The following BCAS3 variants were observed in gnomAD, a reference collection of about 807,000 sequenced individuals.
BCAS3 encodes the protein BCAS4/BCAS3 fusion.
Under a neutral mutation model 116.1 loss-of-function variants are expected in BCAS3, and 53 were observed. The observed-to-expected ratio is 0.46, with a 90% CI of 0.37 to 0.57. The LOEUF (loss-of-function observed/expected upper bound fraction) is 0.57. Ranked by LOEUF, BCAS3 falls within the 20% of genes least tolerant of loss-of-function variation. The probability of loss-of-function intolerance (pLI) is 0.00; values close to 1 mark genes in which losing one functional copy is unlikely to be tolerated. For missense variants in BCAS3, 917 were observed against 1,165.4 expected (o/e 0.79, Z 3.10); for synonymous variants, 391 against 408.2 (o/e 0.96, Z 0.51).
At position 61,205,708 on chromosome 17, in the gene BCAS3, A is replaced by C. The variant is rs1288591757; in HGVS notation, c.2425+121144A>C. The stretch of plus-strand genomic sequence containing the variant: ...GATATGCTTCTTTTATGTTCCTTAG[A>C]CTCTTGCCCAGCATGCTTTTCCCAC... On this transcript the variant is annotated intron_variant, in intron 22 of 23. Transcript: ENST00000407086. The surrounding 1 kb of genome is among the most constrained non-coding windows in gnomAD (Gnocchi z 5.2). 3.9e-5 allele frequency among the ~76,000 whole-genome samples: 6 copies of C among 152,012 alleles called. No individual in the cohort carries two copies.
chr17:61,176,380 G>C (rs1217634322), intron 22 of BCAS3, among the ~76,000 whole-genome samples: 2 of 148,952 alleles, frequency 1.3e-5, no homozygotes, highest in African/African-American at 4.9e-5. Flanking sequence ...CTATATTTTT[G>C]TTTTCATTTT....
chr17:61,005,949 C>A (rs1156346635), intron 15 of BCAS3, among the ~76,000 whole-genome samples: 2 of 151,938 alleles, frequency 1.3e-5, no homozygotes, highest in Non-Finnish European at 2.9e-5. Flanking sequence ...CCTCCCCCTT[C>A]CCCCCACTCC....
Position 61,380,514 on chromosome 17 carries a change from C to A in BCAS3, c.2594-11463C>A. ...TTTTATTTTCAATACAGACACAGCC[C>A]TTGACGTAGCAGTAAAAACCTTCCC... On this transcript the variant is annotated intron_variant, in intron 23 of 23. Coordinates refer to ENST00000407086, the MANE Select transcript of BCAS3 (RefSeq NM_017679.5). This position sits in a 1 kb window ranked among gnomAD's most constrained non-coding sequence, Gnocchi z 4.2. 1 of 1,597,932 alleles carries A rather than the reference C, an allele frequency of 6.3e-7. No individual in the cohort carries two copies. Among genetic ancestry groups the A allele is most frequent in the Non-Finnish European group, 8.5e-7 (1 of 1,179,378 alleles).
In BCAS3 at chr17:61,051,102, T is replaced by C. The variant is rs1252268949; in HGVS notation, c.2029+10210T>C. Reference sequence around the variant, plus strand: ...GAGATTGAAATCAGATATACCCATATCTTTGACAACTACTCAGATTTTTTT... The same window carrying C: ...GAGATTGAAATCAGATATACCCATACCTTTGACAACTACTCAGATTTTTTT... On this transcript the variant is annotated intron_variant, in intron 19 of 23. Transcript: ENST00000407086. The surrounding 1 kb of genome is among the most constrained non-coding windows in gnomAD (Gnocchi z 4.1). Among the ~76,000 whole-genome samples, 2 of 152,052 alleles carry C rather than the reference T, an allele frequency of 1.3e-5. No individual in the cohort carries two copies. The highest frequency in any genetic ancestry group is 4.8e-5 in the African/African-American group (2 of 41,444).
rs2075606491 is a variant in BCAS3, at chr17:61,118,454, CA to C, written c.2425+33894del. Among the ~76,000 whole-genome samples, 1 of 152,160 alleles carries C rather than the reference CA, an allele frequency of 6.6e-6. No individual in the cohort carries two copies. Among genetic ancestry groups the C allele is most frequent in the South Asian group, 2.1e-4 (1 of 4,822 alleles). On this transcript the variant is annotated intron_variant, in intron 22 of 23. Transcript: ENST00000407086. This position sits in a 1 kb window ranked among gnomAD's most constrained non-coding sequence, Gnocchi z 5.0. ...TCCAGACTCCCCATTTGTCCTGCAC[CA>C]AAACTGCACGTGTGTGTTAGGAGGT...
chr17:61,122,831 T>C lies in BCAS3; in HGVS notation c.2425+38267T>C, dbSNP rs1340675453. ...ATACAGCAATGTAAGCTGATGGCTA[T>C]TGGAATTCACATACAGTTTGCATTT... On this transcript the variant is annotated intron_variant, in intron 22 of 23. Transcript: ENST00000407086. The surrounding 1 kb of genome is among the most constrained non-coding windows in gnomAD (Gnocchi z 4.6). Among the ~76,000 whole-genome samples the C allele has an allele frequency of 1.3e-5, 2 of 152,236 alleles. No homozygotes were observed.
rs1055187158 is a variant in BCAS3 at position 61,215,989 on chromosome 17, C to T, written c.2425+131425C>T. On this transcript the variant is annotated intron_variant, in intron 22 of 23. Transcript: ENST00000407086. This position sits in a 1 kb window ranked among gnomAD's most constrained non-coding sequence, Gnocchi z 4.8. ...CAAATATATATTTTGGTTGGTTCTC[C>T]CAGTAGTAGATCGCTGATATTTCAG... 6.6e-6 allele frequency among the ~76,000 whole-genome samples: 1 copy of T among 152,032 alleles called. No homozygotes were observed. Among genetic ancestry groups the T allele is most frequent in the African/African-American group, 2.4e-5 (1 of 41,374 alleles).
chr17:60,716,527 T>C (rs1286354854), intron 5 of BCAS3, among the ~76,000 whole-genome samples: 2 of 152,042 alleles, frequency 1.3e-5, no homozygotes, highest in African/African-American at 2.4e-5. Context: ...CCCAACACTT[T>C]GGGAGGCTGA....
chr17:61,044,363 C>T (rs1179064484), intron 19 of BCAS3, among the ~76,000 whole-genome samples: 3 of 148,766 alleles, frequency 2.0e-5, no homozygotes, highest in East Asian at 2.0e-4. Flanking sequence ...AGGAGAATGG[C>T]GTGAGCCTGG....
At chr17:60,854,848 C>T (rs112377773) in intron 7 of BCAS3, among the ~76,000 whole-genome samples, 4,300 of 152,150 alleles carry the variant, frequency 0.028, 89 homozygotes, top group Non-Finnish European at 0.045. Context: ...TTGCCAAAAC[C>T]TGGCAGCAAG....
At chr17:60,706,302 G>C (rs1490125866) in intron 4 of BCAS3, among the ~76,000 whole-genome samples, 3 of 152,028 alleles carry the variant, frequency 2.0e-5, no homozygotes, top group Non-Finnish European at 4.4e-5. Flanking sequence ...GAACTCAGGT[G>C]ATCTACCCTC....
At chr17:61,293,133 A>G (rs1368190077) in intron 22 of BCAS3, among the ~76,000 whole-genome samples, 1 of 152,222 alleles carries the variant, frequency 6.6e-6, no homozygotes, top group Admixed American at 6.5e-5. Context: ...TCTGTAAGCA[A>G]GCTCAGAGAC....
rs558030410 is a variant in BCAS3 at position 60,990,098 on chromosome 17, G to A, written c.1349G>A (p.Arg450Gln). ...TGTGTTCGTACACATATGTCACCAC[G>A]AGTAGTGAATCGCATGAGCCGTTTC... The part of the protein sequence containing the change: ...QPCVRTHMSP[R>Q]VVNRMSRFQK... Residue 450 changes from arginine (R) to glutamine (Q), a missense_variant, in exon 15 of 24, where the codon CGA becomes CAA. Arg to Gln is a conservative substitution (Grantham distance 43, BLOSUM62 1). Coordinates refer to ENST00000407086, the MANE Select transcript of BCAS3 (RefSeq NM_017679.5). This position sits in a 1 kb window ranked among gnomAD's most constrained non-coding sequence, Gnocchi z 5.1. The A allele has an allele frequency of 6.5e-5, 105 of 1,614,040 alleles. No homozygotes were observed. The highest frequency in any genetic ancestry group is 7.7e-5 in the Non-Finnish European group (91 of 1,180,048).
chr17:61,126,149 T>C lies in BCAS3; in HGVS notation c.2425+41585T>C, dbSNP rs2076035893. Among the ~76,000 whole-genome samples, 1 of 152,212 alleles carries C rather than the reference T, an allele frequency of 6.6e-6. No homozygotes were observed. The highest frequency in any genetic ancestry group is 2.4e-5 in the African/African-American group (1 of 41,464). On this transcript the variant is annotated intron_variant, in intron 22 of 23. Coordinates refer to ENST00000407086, the MANE Select transcript of BCAS3 (RefSeq NM_017679.5). The surrounding 1 kb of genome is among the most constrained non-coding windows in gnomAD (Gnocchi z 4.6). ...TTAAAACTAATGTTTCTATAACCTCTGACCGAATACAGAAGATCCAAAATA... is the reference window on the plus strand; with the variant it reads ...TTAAAACTAATGTTTCTATAACCTCCGACCGAATACAGAAGATCCAAAATA...
rs1313435594 is a variant in BCAS3 at position 61,037,877 on chromosome 17, C to A, written c.1763-12C>A. Reference sequence around the variant, plus strand: ...CATCATAACACATCGGGTTCTGTTTCTCTGTTTGTAGATCAGTCCAAACAA... The same window carrying A: ...CATCATAACACATCGGGTTCTGTTTATCTGTTTGTAGATCAGTCCAAACAA... On this transcript the variant is annotated splice_polypyrimidine_tract_variant and intron_variant, in intron 17 of 23. Transcript: ENST00000407086. The surrounding 1 kb of genome is among the most constrained non-coding windows in gnomAD (Gnocchi z 4.7). 1 of 1,610,956 alleles carries A rather than the reference C, an allele frequency of 6.2e-7. No homozygotes were observed. The highest frequency in any genetic ancestry group is 1.7e-5 in the Admixed American group (1 of 59,658).
chr17:61,048,792 T>A (rs1317314134), intron 19 of BCAS3, among the ~76,000 whole-genome samples: 1 of 151,968 alleles, frequency 6.6e-6, no homozygotes, highest in Non-Finnish European at 1.5e-5. Context: ...AACAGAATAC[T>A]GGTGCCTCTG....
chr17:60,891,602 T>A, intron 10 of BCAS3: 2 of 443,080 alleles, frequency 4.5e-6, no homozygotes, highest in Non-Finnish European at 9.1e-6. Flanking sequence ...GGGGTACCAG[T>A]CTCTTTCAGT....
intron 19 of BCAS3, among the ~76,000 whole-genome samples, chr17:61,052,734 T>C (rs76955808): frequency 1.4e-5 from 2 of 146,914 alleles, no homozygotes; most frequent in African/African-American, 5.3e-5. Flanking sequence ...TTTTTTTTTT[T>C]TGAGACGGGG....
chr17:61,090,229 G>A (rs1448746314), intron 22 of BCAS3, among the ~76,000 whole-genome samples: 2 of 152,144 alleles, frequency 1.3e-5, no homozygotes, highest in African/African-American at 4.8e-5. Context: ...AAGTTCTTCA[G>A]AAATATTAAG....
Sources: allele counts gnomAD v4.1 joint callset (sites outside exome capture counted in the v4.1 genomes callset), GRCh38; gene constraint gnomAD v4.1.1; non-coding constraint Gnocchi (gnomAD v3.1); transcripts MANE v1.5; gene names NCBI Gene and HGNC (gene_info 2026-07-23, HGNC 2026-07-21).